Variants in RABGAP1L observed in about 807,000 individuals in gnomAD.
RABGAP1L encodes the protein rab GTPase-activating protein 1-like.
A neutral mutation model predicts 137.7 loss-of-function variants in RABGAP1L; 63 were observed. The ratio of observed to expected loss-of-function variants is 0.46; its 90% confidence interval spans 0.37 to 0.56. The LOEUF (loss-of-function observed/expected upper bound fraction) is 0.56, where lower values mean the gene tolerates loss of function less well. RABGAP1L is among the 20% of genes least tolerant of loss of function. RABGAP1L has a pLI of 0.00. For missense variants in RABGAP1L, 1,095 were observed against 1,244.0 expected (o/e 0.88, Z 1.80); for synonymous variants, 431 against 433.7 (o/e 0.99, Z 0.08).
chr1:174,726,873 T>A (rs1269448513), intron 17 of RABGAP1L, among the ~76,000 whole-genome samples: 1 of 152,198 alleles, frequency 6.6e-6, no homozygotes, highest in African/African-American at 2.4e-5. Flanking sequence ...AAAAATTATT[T>A]TTATATCTGA....
intron 12 of RABGAP1L, among the ~76,000 whole-genome samples, chr1:174,381,144 G>A (rs1686105956): frequency 7.7e-6 from 1 of 130,326 alleles, no homozygotes; most frequent in African/African-American, 3.1e-5. Flanking sequence ...TTGCACTGTG[G>A]TCTGAGAGAT....
intron 11 of RABGAP1L, among the ~76,000 whole-genome samples, chr1:174,354,252 T>C (rs935827136): frequency 1.3e-5 from 2 of 151,706 alleles, no homozygotes; most frequent in Non-Finnish European, 2.9e-5. Context: ...TTTTTTTAAA[T>C]TCAATTTAAT....
rs142774633 is a variant in RABGAP1L, at chr1:174,250,564, C to T, written c.807C>T (p.Pro269=). 445 of 1,613,766 alleles carry T rather than the reference C, an allele frequency of 2.8e-4. 2 individuals are homozygous for T. In the Middle Eastern group the frequency reaches 9.1e-3, roughly 33 times the overall value. Reference sequence around the variant, plus strand: ...TTAAAGACTCAGTTATTCCTACCCCCGACAGTGATGTGTTTACCTTCAGTG... The same window carrying T: ...TTAAAGACTCAGTTATTCCTACCCCTGACAGTGATGTGTTTACCTTCAGTG... ...SDVKDSVIPT[P]DSDVFTFSVS... The change falls in exon 6 of 26, where the codon CCC becomes CCT. Residue 269 remains proline (P), a synonymous_variant. Coordinates refer to ENST00000681986, the MANE Select transcript of RABGAP1L (RefSeq NM_001366446.1).
At chr1:174,734,021 A>G (rs1446066385) in intron 17 of RABGAP1L, among the ~76,000 whole-genome samples, 2 of 152,260 alleles carry the variant, frequency 1.3e-5, no homozygotes, top group African/African-American at 4.8e-5. Flanking sequence ...TGTGAGAGAA[A>G]GAAAGGATAA....
chr1:174,873,092 A>G (rs1276148555), intron 19 of RABGAP1L, among the ~76,000 whole-genome samples: 1 of 151,846 alleles, frequency 6.6e-6, no homozygotes, highest in Non-Finnish European at 1.5e-5. Context: ...TCTTTGAGAC[A>G]GAGTTTTGCT....
chr1:174,892,875 GC>G (rs1656451887), intron 19 of RABGAP1L, among the ~76,000 whole-genome samples: 1 of 147,366 alleles, frequency 6.8e-6, no homozygotes, highest in South Asian at 2.2e-4. Context: ...GATTACAGGC[GC>G]CCGCCACCTC....
intron 19 of RABGAP1L, among the ~76,000 whole-genome samples, chr1:174,825,870 G>A (rs1447847462): frequency 4.6e-5 from 7 of 152,150 alleles, no homozygotes; most frequent in African/African-American, 9.7e-5. Context: ...CAGCCTGGGC[G>A]ACAGAGCAAA....
At chr1:174,919,088 G>A (rs992704052) in intron 19 of RABGAP1L, among the ~76,000 whole-genome samples, 1 of 150,936 alleles carries the variant, frequency 6.6e-6, no homozygotes, top group Non-Finnish European at 1.5e-5. Flanking sequence ...GCACGATCTC[G>A]GCTCACTGCA....
At chr1:174,313,364 TG>T (rs1358093626) in intron 11 of RABGAP1L, among the ~76,000 whole-genome samples, 1 of 152,244 alleles carries the variant, frequency 6.6e-6, no homozygotes, top group Non-Finnish European at 1.5e-5. Flanking sequence ...AGTTTTGTGG[TG>T]GAGCCTTTAG....
intron 13 of RABGAP1L, among the ~76,000 whole-genome samples, chr1:174,635,771 A>G (rs998121571): frequency 2.0e-5 from 3 of 152,158 alleles, no homozygotes; most frequent in Non-Finnish European, 4.4e-5. Context: ...CTCTTTCTGT[A>G]TATAAGATCT....
At chr1:174,166,618 G>A (rs1664930076) in intron 1 of RABGAP1L, among the ~76,000 whole-genome samples, 1 of 152,200 alleles carries the variant, frequency 6.6e-6, no homozygotes, top group East Asian at 1.9e-4. Flanking sequence ...TAGAAATGAA[G>A]GTATAAATGC....
At position 174,284,128 on chromosome 1, in the gene RABGAP1L, T is replaced by C. The variant is rs558836763; in HGVS notation, c.1323+5349T>C. On this transcript the variant is annotated intron_variant, in intron 10 of 25. Coordinates refer to ENST00000681986, the MANE Select transcript of RABGAP1L (RefSeq NM_001366446.1). Reference sequence around the variant, plus strand: ...CCTTTTTGTGTGTGTGTAGAACACTTAAGATCTACTACTGTCTTAGCAAAT... The same window carrying C: ...CCTTTTTGTGTGTGTGTAGAACACTCAAGATCTACTACTGTCTTAGCAAAT... Among the ~76,000 whole-genome samples, 50 of 152,308 alleles carry C rather than the reference T, an allele frequency of 3.3e-4. 1 individual carries two copies. The South Asian group carries it at 7.1e-3, about 21-fold the overall frequency.
At chr1:174,313,239 A>G (rs762674423) in intron 11 of RABGAP1L, among the ~76,000 whole-genome samples, 2 of 152,112 alleles carry the variant, frequency 1.3e-5, no homozygotes, top group Non-Finnish European at 2.9e-5. Context: ...AAATGGGATT[A>G]TTTTTTAAAA....
rs561439390 is a variant in RABGAP1L, at chr1:174,363,186, C to T, written c.1466-7793C>T. ...GCCATGCTGTCTTGGTTACCATAGC[C>T]CTGTAGTATAGTTTGAAGTAATGTA... is the stretch of plus-strand genomic sequence containing the variant. On this transcript the variant is annotated intron_variant, in intron 11 of 25. Transcript: ENST00000681986. Among the ~76,000 whole-genome samples the T allele has an allele frequency of 6.6e-5, 10 of 152,192 alleles. No individual in the cohort carries two copies. The South Asian group carries it at 1.9e-3, about 28-fold the overall frequency.
intron 13 of RABGAP1L, among the ~76,000 whole-genome samples, chr1:174,489,374 G>C (rs1183907612): frequency 5.9e-5 from 9 of 152,128 alleles, no homozygotes; most frequent in Admixed American, 5.9e-4. Flanking sequence ...CGAAGGATAT[G>C]AACAGACACT....
In RABGAP1L at chr1:174,223,555, A is replaced by G. The variant is rs184730885; in HGVS notation, c.331+2391A>G. Among the ~76,000 whole-genome samples, 513 of 152,104 alleles carry G rather than the reference A, an allele frequency of 3.4e-3. 8 individuals carry two copies. The highest frequency in any genetic ancestry group is 0.029 in the Admixed American group (436 of 15,272). ...AAAAATAATAGGTAACAAGGAAGAA[A>G]CAAAAATTTATGTAAAATTTTAATA... On this transcript the variant is annotated intron_variant, in intron 3 of 25. Transcript: ENST00000681986.
chr1:174,375,210 T>C (rs1046297655), intron 12 of RABGAP1L, among the ~76,000 whole-genome samples: 2 of 152,028 alleles, frequency 1.3e-5, no homozygotes, highest in African/African-American at 4.8e-5. Context: ...ATATTATGCT[T>C]TTCTTTTTTG....
chr1:174,911,209 CAG>C (rs1660001139), intron 19 of RABGAP1L, among the ~76,000 whole-genome samples: 1 of 152,080 alleles, frequency 6.6e-6, no homozygotes, highest in African/African-American at 2.4e-5. Flanking sequence ...CTATATGACA[CAG>C]ATATTTTCTT....
intron 19 of RABGAP1L, among the ~76,000 whole-genome samples, chr1:174,894,554 A>C (rs1656809054): frequency 6.6e-6 from 1 of 152,202 alleles, no homozygotes; most frequent in African/African-American, 2.4e-5. Flanking sequence ...TTTATCTAAG[A>C]GGGCATGACT....
Sources: allele counts gnomAD v4.1 joint callset (sites outside exome capture counted in the v4.1 genomes callset), GRCh38; gene constraint gnomAD v4.1.1; transcripts MANE v1.5; gene names NCBI Gene and HGNC (gene_info 2026-07-23, HGNC 2026-07-21).